ZFAND3: variants seen among roughly 807,000 people sequenced by gnomAD.
The protein encoded by ZFAND3 is AN1-type zinc finger protein 3.
A neutral mutation model predicts 29.6 loss-of-function variants in ZFAND3; 10 were observed. The observed-to-expected ratio is 0.34, with a 90% CI of 0.21 to 0.57. ZFAND3 has a LOEUF of 0.57. Among genes scored for constraint, ZFAND3 ranks in the 20% least tolerant of loss-of-function variants. The pLI, the probability that ZFAND3 is intolerant of heterozygous loss-of-function variation, is 0.86. For missense variants in ZFAND3, 230 were observed against 304.5 expected, an observed-to-expected ratio of 0.76 and a Z score of 1.82; for synonymous variants, 128 against 112.6, an observed-to-expected ratio of 1.14 and a Z score of -0.87.
At chr6:37,962,598 A>G (rs1762216678) in intron 2 of ZFAND3, among the ~76,000 whole-genome samples, 1 of 152,194 alleles carries the variant, frequency 6.6e-6, no homozygotes, top group African/African-American at 2.4e-5. Context: ...AAAGGTTTGT[A>G]AATGCAGCAA....
At chr6:38,029,713 C>G (rs545206582) in intron 2 of ZFAND3, among the ~76,000 whole-genome samples, 1 of 152,116 alleles carries the variant, frequency 6.6e-6, no homozygotes, top group Non-Finnish European at 1.5e-5. Context: ...TATGTGTAAC[C>G]TTTAGTCATC....
chr6:38,042,533 T>G (rs939128207), intron 2 of ZFAND3, among the ~76,000 whole-genome samples: 1 of 151,952 alleles, frequency 6.6e-6, no homozygotes. Flanking sequence ...AGGCTGGTCT[T>G]GAACTCCTGA....
chr6:37,871,852 T>C (rs1362929303), intron 1 of ZFAND3, among the ~76,000 whole-genome samples: 3 of 152,212 alleles, frequency 2.0e-5, no homozygotes, highest in Non-Finnish European at 2.9e-5. Flanking sequence ...CCAAATAATA[T>C]TAATTTTTGT....
chr6:37,987,745 G>A (rs1762694215), intron 2 of ZFAND3, among the ~76,000 whole-genome samples: 1 of 152,188 alleles, frequency 6.6e-6, no homozygotes, highest in South Asian at 2.1e-4. Context: ...AGAGGAGCAG[G>A]AGCCAGATAC....
At chr6:38,014,337 T>A (rs1477617584) in intron 2 of ZFAND3, among the ~76,000 whole-genome samples, 6 of 151,186 alleles carry the variant, frequency 4.0e-5, no homozygotes, top group African/African-American at 1.5e-4. Context: ...ATTATTTTTT[T>A]TTTTTTGAGA....
chr6:38,128,236 T>C (rs1408726263), intron 5 of ZFAND3, among the ~76,000 whole-genome samples: 1 of 152,232 alleles, frequency 6.6e-6, no homozygotes, highest in East Asian at 1.9e-4. Flanking sequence ...CTTTAATGTG[T>C]AGTTAAAACT....
At chr6:38,066,311 C>G (rs1764345500) in intron 3 of ZFAND3, among the ~76,000 whole-genome samples, 4 of 152,202 alleles carry the variant, frequency 2.6e-5, no homozygotes, top group Admixed American at 2.6e-4. Flanking sequence ...ACAGCCTGAT[C>G]CATCTACATC....
intron 4 of ZFAND3, among the ~76,000 whole-genome samples, chr6:38,097,231 A>T (rs1764999496): frequency 6.8e-6 from 1 of 147,580 alleles, no homozygotes; most frequent in African/African-American, 2.5e-5. Context: ...CTGCACCAGC[A>T]CACCCGGTTA....
At chr6:37,970,192 A>G (rs1269371230) in intron 2 of ZFAND3, among the ~76,000 whole-genome samples, 5 of 152,140 alleles carry the variant, frequency 3.3e-5, no homozygotes, top group Non-Finnish European at 7.3e-5. Context: ...AGAATTTAGA[A>G]GGCTTGTTAG....
chr6:38,016,952 A>G (rs989675457), intron 2 of ZFAND3, among the ~76,000 whole-genome samples: 7 of 152,220 alleles, frequency 4.6e-5, no homozygotes, highest in Non-Finnish European at 7.3e-5. Flanking sequence ...AGAAGAAGGT[A>G]GATGACCTCT....
chr6:37,931,902 T>C (rs1761603763), intron 2 of ZFAND3, among the ~76,000 whole-genome samples: 1 of 152,206 alleles, frequency 6.6e-6, no homozygotes, highest in Non-Finnish European at 1.5e-5. Context: ...ATTTGTCAGA[T>C]ACTTAGGTTT....
chr6:38,088,445 A>C (rs1397195643), intron 4 of ZFAND3: 1 of 152,166 alleles, frequency 6.6e-6, no homozygotes, highest in Admixed American at 6.5e-5. Context: ...TGGGTACCAA[A>C]AAAATAGAAT....
chr6:38,036,466 A>AT (rs1421224763), intron 2 of ZFAND3, among the ~76,000 whole-genome samples: 6 of 152,248 alleles, frequency 3.9e-5, no homozygotes, highest in Non-Finnish European at 1.5e-5. Context: ...TTCAACAGAA[A>AT]TTCATGCAGA....
chr6:38,014,312 T>TATTATTATTA (rs1554167168), intron 2 of ZFAND3, among the ~76,000 whole-genome samples: 23 of 146,678 alleles, frequency 1.6e-4, no homozygotes, highest in African/African-American at 5.7e-4. Context: ...GTAATTTTAC[T>TATTATTATTA]TTATTATTAT....
At chr6:38,067,314 T>G (rs1179451681) in intron 3 of ZFAND3, among the ~76,000 whole-genome samples, 1 of 152,252 alleles carries the variant, frequency 6.6e-6, no homozygotes, top group Non-Finnish European at 1.5e-5. Flanking sequence ...ATCAACTGTA[T>G]TAACTTACTT....
intron 4 of ZFAND3, among the ~76,000 whole-genome samples, chr6:38,101,737 G>C (rs973829184): frequency 2.8e-4 from 34 of 120,638 alleles, no homozygotes; most frequent in African/African-American, 1.0e-3. Context: ...TCGTGCCACT[G>C]TACTCCAGCC....
chr6:38,022,925 T>C (rs776598162), intron 2 of ZFAND3, among the ~76,000 whole-genome samples: 9 of 152,240 alleles, frequency 5.9e-5, no homozygotes, highest in Non-Finnish European at 1.2e-4. Context: ...ATGACTGTTT[T>C]GTTTTCTTTC....
chr6:37,825,214 T>C (rs12661702), intron 1 of ZFAND3, among the ~76,000 whole-genome samples: 33,156 of 151,952 alleles, frequency 0.22, 4,493 homozygotes, highest in African/African-American at 0.37. Flanking sequence ...CCAGCTTAAC[T>C]TGGGCTTTCA....
chr6:37,956,199 C>T (rs1762083983), intron 2 of ZFAND3, among the ~76,000 whole-genome samples: 1 of 152,188 alleles, frequency 6.6e-6, no homozygotes, highest in African/African-American at 2.4e-5. Context: ...GCTTACTGTG[C>T]TCAGGGCAAT....
Sources: allele counts gnomAD v4.1 joint callset (sites outside exome capture counted in the v4.1 genomes callset), GRCh38; gene constraint gnomAD v4.1.1; transcripts MANE v1.5; gene names NCBI Gene and HGNC (gene_info 2026-07-23, HGNC 2026-07-21).